Variants in RB1 observed in about 807,000 individuals in gnomAD.
RB1 encodes RB transcriptional corepressor 1.
In RB1, 18 loss-of-function variants were observed where a neutral mutation model predicts 135.4. The ratio of observed to expected loss-of-function variants is 0.13; its 90% confidence interval spans 0.09 to 0.20. The LOEUF is 0.20. RB1 is among the 10% of genes least tolerant of loss of function. RB1 has a pLI of 1.00. For missense variants in RB1, 868 were observed against 1,110.0 expected (o/e 0.78, Z 3.10); for synonymous variants, 365 against 373.2 (o/e 0.98, Z 0.25).
rs116899072 is a variant in RB1, at chr13:48,327,849, G to A, written c.265-14750G>A. On this transcript the variant is annotated intron_variant, in intron 2 of 26. Coordinates refer to ENST00000267163, the MANE Select transcript of RB1 (RefSeq NM_000321.3). ...GATTTCTTTATTATCTGTAAACTTT[G>A]GAAACTAATCACACAAAACTACCAA... Among the ~76,000 whole-genome samples, 846 of 152,102 alleles carry A rather than the reference G, an allele frequency of 5.6e-3. 5 individuals are homozygous for A. The highest frequency in any genetic ancestry group is 0.01 in the Middle Eastern group (3 of 294).
At chr13:48,392,594 G>C (rs1363842705) in intron 17 of RB1, among the ~76,000 whole-genome samples, 1 of 151,530 alleles carries the variant, frequency 6.6e-6, no homozygotes, top group Non-Finnish European at 1.5e-5. Context: ...AATTTGATTT[G>C]GGTCCTTTTT....
intron 11 of RB1, among the ~76,000 whole-genome samples, chr13:48,373,097 A>G (rs896361999): frequency 2.6e-5 from 4 of 152,164 alleles, no homozygotes; most frequent in African/African-American, 9.6e-5. Context: ...AAACAATACC[A>G]TTTTGTTGCC....
Position 48,476,761 on chromosome 13 carries a change from A to G in RB1, c.2581A>G (p.Arg861Gly), listed in dbSNP as rs2138359202. The change falls in exon 25 of 27, where the codon AGA becomes GGA. Residue 861 changes from arginine (R) to glycine (G), a missense_variant. Arg to Gly is a moderately radical substitution (Grantham distance 125). Around this residue, in one of 3 missense-constraint regions of RB1, gnomAD observed 196 missense variants for 239.8 expected, o/e 0.82. Transcript: ENST00000267163. ...ATGTAACAGCGACCGTGTGCTCAAA[A>G]GAAGTGCTGAAGGAAGCAACCCTCC... ...MVCNSDRVLK[R>G]SAEGSNPPKP... 1 of 1,613,682 alleles carries G rather than the reference A, an allele frequency of 6.2e-7. No individual in the cohort carries two copies. The highest frequency in any genetic ancestry group is 1.1e-5 in the South Asian group (1 of 91,076).
intron 24 of RB1, among the ~76,000 whole-genome samples, chr13:48,475,036 G>T (rs1183589403): frequency 3.9e-5 from 6 of 152,142 alleles, no homozygotes; most frequent in African/African-American, 1.2e-4. Context: ...ACCATGTCCA[G>T]CTAATTTTTA....
At chr13:48,333,497 G>A (rs890544096) in intron 2 of RB1, among the ~76,000 whole-genome samples, 1 of 152,118 alleles carries the variant, frequency 6.6e-6, no homozygotes, top group East Asian at 1.9e-4. Flanking sequence ...AATCTAAGCA[G>A]AGAGCTTGAC....
chr13:48,464,163 A>C (rs1368522085), intron 21 of RB1, among the ~76,000 whole-genome samples: 3 of 152,198 alleles, frequency 2.0e-5, no homozygotes, highest in African/African-American at 4.8e-5. Flanking sequence ...TTATTACTTT[A>C]TAGGAAAAGC....
At chr13:48,430,315 A>T (rs1949115998) in intron 17 of RB1, among the ~76,000 whole-genome samples, 1 of 152,248 alleles carries the variant, frequency 6.6e-6, no homozygotes, top group Admixed American at 6.5e-5. Flanking sequence ...GCAATTTGAA[A>T]AAAAGAGGTA....
intron 19 of RB1, among the ~76,000 whole-genome samples, chr13:48,456,710 G>A (rs1004009198): frequency 6.6e-6 from 1 of 152,234 alleles, no homozygotes; most frequent in Non-Finnish European, 1.5e-5. Context: ...GTGTGGGCAA[G>A]CATGAGATCT....
intron 12 of RB1, among the ~76,000 whole-genome samples, chr13:48,373,719 T>C (rs1952789245): frequency 6.6e-6 from 1 of 152,142 alleles, no homozygotes; most frequent in Non-Finnish European, 1.5e-5. Context: ...TTTGCCTTGC[T>C]CACCATTCTT....
intron 2 of RB1, among the ~76,000 whole-genome samples, chr13:48,323,636 C>T (rs1254244496): frequency 6.6e-6 from 1 of 151,904 alleles, no homozygotes; most frequent in Non-Finnish European, 1.5e-5. Context: ...TCAGATATAT[C>T]TTATATATAA....
chr13:48,318,813 G>A (rs1952209277), intron 2 of RB1: 1 of 927,744 alleles, frequency 1.1e-6, no homozygotes, highest in Admixed American at 1.8e-5. Context: ...GGCAGCCTGC[G>A]AGCAGCTCTC....
At chr13:48,371,512 C>T (rs553910611) in intron 11 of RB1, among the ~76,000 whole-genome samples, 152 of 151,866 alleles carry the variant, frequency 1.0e-3, no homozygotes, top group African/African-American at 3.3e-3. Flanking sequence ...TCTGAACCAA[C>T]GATAGTGGTG....
At chr13:48,380,417 G>A (rs2138143577) in intron 16 of RB1, among the ~76,000 whole-genome samples, 176 bp downstream of exon 16, 1 of 151,734 alleles carries the variant, frequency 6.6e-6, no homozygotes, top group Middle Eastern at 3.4e-3. Flanking sequence ...AGGCTTATTT[G>A]AGTTATTTGA....
At chr13:48,374,361 A>T (rs1339230066) in intron 12 of RB1, among the ~76,000 whole-genome samples, 1 of 152,188 alleles carries the variant, frequency 6.6e-6, no homozygotes. Context: ...TCATCCACTA[A>T]AATTGGACAT....
chr13:48,471,730 T>C (rs1949472120), intron 23 of RB1, among the ~76,000 whole-genome samples: 1 of 152,232 alleles, frequency 6.6e-6, no homozygotes, highest in Admixed American at 6.5e-5. Context: ...GCCAATCTGC[T>C]AAACAAAGCA....
At chr13:48,379,530 A>AG (rs1948513017) in intron 13 of RB1, 64 bp from the exon 14 acceptor site, 12 of 1,562,520 alleles carry the variant, frequency 7.7e-6, no homozygotes, top group Non-Finnish European at 1.0e-5. Flanking sequence ...AAAAAAAAAA[A>AG]AAATTTCATA....
intron 2 of RB1, among the ~76,000 whole-genome samples, chr13:48,339,548 C>T (rs1302087973): frequency 6.6e-6 from 1 of 152,150 alleles, no homozygotes; most frequent in Non-Finnish European, 1.5e-5. Context: ...TGGGAGTGAC[C>T]CGATTTTCCA....
At chr13:48,422,699 G>A (rs1949024422) in intron 17 of RB1, 1 of 152,120 alleles carries the variant, frequency 6.6e-6, no homozygotes, top group Non-Finnish European at 1.5e-5. Flanking sequence ...GGAGGCTGAA[G>A]TGGGAGGATT....
intron 17 of RB1, among the ~76,000 whole-genome samples, chr13:48,434,505 A>G (rs964195144): frequency 3.9e-5 from 6 of 152,126 alleles, no homozygotes; most frequent in African/African-American, 1.4e-4. Flanking sequence ...CAGGCAAGCA[A>G]GTGAAACCAG....
Sources: gnomAD v4.1 joint callset for allele counts (sites outside exome capture counted in the v4.1 genomes callset) on GRCh38, gnomAD v4.1.1 for gene constraint, gnomAD v4.1.1 regional missense constraint, MANE v1.5 for transcripts, NCBI Gene and HGNC (gene_info 2026-07-23, HGNC 2026-07-21) for gene names.